CFDP1: variants seen among roughly 807,000 people sequenced by gnomAD.
CFDP1 encodes the protein heterochromatin-stabilizing protein CFDP1.
Under a neutral mutation model 40.1 loss-of-function variants are expected in CFDP1, and 31 were observed. The ratio of observed to expected loss-of-function variants is 0.77; its 90% CI spans 0.58 to 1.04. CFDP1 has a LOEUF of 1.04. CFDP1 is among the 50% of genes least tolerant of loss of function. The probability of loss-of-function intolerance (pLI) is 0.00; values close to 1 mark genes in which losing one functional copy is unlikely to be tolerated. For synonymous variants in CFDP1, 167 were observed against 120.0 expected, an observed-to-expected ratio of 1.39 and a Z score of -2.56; for missense variants, 423 against 343.4, an observed-to-expected ratio of 1.23 and a Z score of -1.83.
intron 5 of CFDP1, among the ~76,000 whole-genome samples, chr16:75,318,129 A>T (rs1474973184): frequency 6.6e-6 from 1 of 151,646 alleles, no homozygotes; most frequent in Non-Finnish European, 1.5e-5. Context: ...ACAGAGTGAG[A>T]CTCCGTATCA....
chr16:75,302,141 T>G (rs565536801), intron 6 of CFDP1, among the ~76,000 whole-genome samples: 1 of 152,370 alleles, frequency 6.6e-6, no homozygotes, highest in African/African-American at 2.4e-5. Flanking sequence ...TATGTGACTT[T>G]CCACTGCCTG....
intron 5 of CFDP1, among the ~76,000 whole-genome samples, chr16:75,358,421 A>AT (rs1413635203): frequency 6.6e-6 from 1 of 152,190 alleles, no homozygotes; most frequent in Non-Finnish European, 1.5e-5. Flanking sequence ...AGCTTTTTTA[A>AT]TAAAAAAATG....
intron 5 of CFDP1, among the ~76,000 whole-genome samples, chr16:75,383,668 A>G (rs2078869348): frequency 6.6e-6 from 1 of 152,014 alleles, no homozygotes; most frequent in African/African-American, 2.4e-5. Context: ...AAAATACAAA[A>G]ATTAGCCGGG....
chr16:75,338,623 C>T (rs1019914120), intron 5 of CFDP1, among the ~76,000 whole-genome samples: 1 of 152,202 alleles, frequency 6.6e-6, no homozygotes, highest in African/African-American at 2.4e-5. Flanking sequence ...CAGAGGGTTA[C>T]TGACCTAATG....
At chr16:75,320,499 T>C (rs2078355407) in intron 5 of CFDP1, among the ~76,000 whole-genome samples, 2 of 152,102 alleles carry the variant, frequency 1.3e-5, no homozygotes. Flanking sequence ...GACCCTTCCA[T>C]TCTTTGATTT....
At chr16:75,410,549 G>A (rs1255350015) in intron 4 of CFDP1, among the ~76,000 whole-genome samples, 3 of 152,030 alleles carry the variant, frequency 2.0e-5, no homozygotes, top group Non-Finnish European at 2.9e-5. Context: ...CAAGGCAGGC[G>A]GATCACGAGG....
chr16:75,348,285 G>A (rs909367214), intron 5 of CFDP1, among the ~76,000 whole-genome samples: 4 of 152,284 alleles, frequency 2.6e-5, no homozygotes, highest in African/African-American at 4.8e-5. Context: ...TGTGAACCAT[G>A]CTTGGCTCCC....
At chr16:75,428,260 T>C (rs1483128482) in intron 1 of CFDP1, among the ~76,000 whole-genome samples, 3 of 151,948 alleles carry the variant, frequency 2.0e-5, no homozygotes, top group Non-Finnish European at 4.4e-5. Flanking sequence ...TGTATGTAAG[T>C]TAAAAATTGT....
At chr16:75,318,656 G>A (rs2078342208) in intron 5 of CFDP1, among the ~76,000 whole-genome samples, 1 of 152,046 alleles carries the variant, frequency 6.6e-6, no homozygotes, top group African/African-American at 2.4e-5. Flanking sequence ...CGCCCGCCTT[G>A]GCCTCCCAAA....
At chr16:75,334,957 A>T (rs1424074662) in intron 5 of CFDP1, among the ~76,000 whole-genome samples, 1 of 84,424 alleles carries the variant, frequency 1.2e-5, no homozygotes, top group Non-Finnish European at 2.3e-5. Context: ...ACTCTGCCTC[A>T]AAAAAAAAAA....
chr16:75,343,550 G>C lies in CFDP1; in HGVS notation c.651-38368C>G, dbSNP rs576644023. ...ATGTATGTGTATGACAAAACAGCTA[G>C]GCCAATTCCCAGTCATTTGAGGGGG... On this transcript the variant is annotated intron_variant, in intron 5 of 6. Coordinates refer to ENST00000283882, the MANE Select transcript of CFDP1 (RefSeq NM_006324.3). Among the ~76,000 whole-genome samples, 262 of 152,344 alleles carry C rather than the reference G, an allele frequency of 1.7e-3. 1 individual carries two copies. The highest frequency in any genetic ancestry group is 6.1e-3 in the African/African-American group (252 of 41,578).
chr16:75,343,659 CT>C (rs1366538290), intron 5 of CFDP1, among the ~76,000 whole-genome samples: 1 of 152,216 alleles, frequency 6.6e-6, no homozygotes, highest in African/African-American at 2.4e-5. Flanking sequence ...ATTTTACAAG[CT>C]TCCAAAAAGA....
chr16:75,332,024 C>G (rs2078449551), intron 5 of CFDP1, among the ~76,000 whole-genome samples: 1 of 152,174 alleles, frequency 6.6e-6, no homozygotes, highest in Admixed American at 6.5e-5. Context: ...GGAGTATAAA[C>G]TGAGATTTAC....
intron 6 of CFDP1, among the ~76,000 whole-genome samples, chr16:75,299,200 T>C (rs1295516234): frequency 2.0e-5 from 3 of 152,192 alleles, no homozygotes; most frequent in Non-Finnish European, 4.4e-5. Flanking sequence ...CTGTCTCCGG[T>C]ACAGGCACTT....
intron 5 of CFDP1, among the ~76,000 whole-genome samples, chr16:75,391,021 C>T (rs2078944940): frequency 6.6e-6 from 1 of 152,190 alleles, no homozygotes; most frequent in Non-Finnish European, 1.5e-5. Context: ...TTCTAAAAAG[C>T]ATATTAGCTG....
intron 5 of CFDP1, among the ~76,000 whole-genome samples, chr16:75,351,416 GGGGC>G (rs2078609704): frequency 6.6e-6 from 1 of 152,168 alleles, no homozygotes; most frequent in African/African-American, 2.4e-5. Context: ...ATGTACTAAA[GGGGC>G]CTGGAATGTT....
chr16:75,368,809 A>T (rs1018306276), intron 5 of CFDP1, among the ~76,000 whole-genome samples: 1 of 151,862 alleles, frequency 6.6e-6, no homozygotes, highest in African/African-American at 2.4e-5. Flanking sequence ...TAATCTGTGC[A>T]TTTTTTGTAG....
intron 5 of CFDP1, among the ~76,000 whole-genome samples, chr16:75,368,402 G>T (rs1034255199): frequency 6.6e-6 from 1 of 152,160 alleles, no homozygotes; most frequent in African/African-American, 2.4e-5. Flanking sequence ...AGCTATCATA[G>T]ATGATGTAAA....
chr16:75,341,456 G>C (rs1405374302), intron 5 of CFDP1, among the ~76,000 whole-genome samples: 1 of 152,162 alleles, frequency 6.6e-6, no homozygotes, highest in Non-Finnish European at 1.5e-5. Context: ...AAATTATGAA[G>C]AGATTATCTT....
Sources: allele counts gnomAD v4.1 joint callset (sites outside exome capture counted in the v4.1 genomes callset), GRCh38; gene constraint gnomAD v4.1.1; transcripts MANE v1.5; gene names NCBI Gene and HGNC (gene_info 2026-07-23, HGNC 2026-07-21).